Variants in GPATCH2 observed in about 807,000 individuals in gnomAD.
The protein encoded by GPATCH2 is G-patch domain containing 2, also known as G patch domain-containing protein 2.
Under a neutral mutation model 58.0 loss-of-function variants are expected in GPATCH2, and 51 were observed. The ratio of observed to expected loss-of-function variants is 0.88; its 90% CI spans 0.70 to 1.11. The LOEUF (loss-of-function observed/expected upper bound fraction) is 1.11, where lower values mean the gene tolerates loss of function less well. Ranked by LOEUF, GPATCH2 falls within the 50% of genes most tolerant of loss-of-function variation. The pLI is 0.00. For missense variants in GPATCH2, 625 were observed against 652.2 expected (o/e 0.96, Z 0.45); for synonymous variants, 222 against 218.5 (o/e 1.02, Z -0.14).
At chr1:217,456,651 T>C (rs1424419845) in intron 8 of GPATCH2, among the ~76,000 whole-genome samples, 2 of 152,174 alleles carry the variant, frequency 1.3e-5, no homozygotes, top group Non-Finnish European at 2.9e-5. Context: ...TGCATACTTT[T>C]CTAGCAAGAG....
At chr1:217,442,769 G>C (rs1004009639) in intron 9 of GPATCH2, among the ~76,000 whole-genome samples, 1 of 152,062 alleles carries the variant, frequency 6.6e-6, no homozygotes, top group African/African-American at 2.4e-5. Flanking sequence ...AGCATATACT[G>C]AGTTTTCTTC....
intron 5 of GPATCH2, among the ~76,000 whole-genome samples, chr1:217,525,691 A>C (rs888393682): frequency 6.6e-6 from 1 of 152,184 alleles, no homozygotes; most frequent in Non-Finnish European, 1.5e-5. Context: ...AATACATGTA[A>C]AATTAATTGT....
intron 5 of GPATCH2, among the ~76,000 whole-genome samples, chr1:217,569,042 T>A (rs1367813296): frequency 6.6e-6 from 1 of 151,862 alleles, no homozygotes; most frequent in Non-Finnish European, 1.5e-5. Context: ...TGAATGACAT[T>A]AGTAAAATAT....
At chr1:217,619,508 A>G (rs1454475744) in intron 2 of GPATCH2, among the ~76,000 whole-genome samples, 2 of 152,206 alleles carry the variant, frequency 1.3e-5, no homozygotes, top group East Asian at 3.9e-4. Context: ...TCAAAAGCAC[A>G]TTCTTTTCCA....
intron 8 of GPATCH2, among the ~76,000 whole-genome samples, chr1:217,486,424 A>G (rs1661456582): frequency 6.6e-6 from 1 of 152,112 alleles, no homozygotes. Context: ...TTTTTGAGAC[A>G]GGGTCTTATT....
intron 5 of GPATCH2, among the ~76,000 whole-genome samples, chr1:217,524,105 G>T (rs1663666645): frequency 6.6e-6 from 1 of 151,102 alleles, no homozygotes; most frequent in African/African-American, 2.4e-5. Flanking sequence ...TCCCAGACGG[G>T]GTGGCTGCCG....
chr1:217,508,544 A>C (rs1037960545), intron 6 of GPATCH2, among the ~76,000 whole-genome samples: 3 of 152,168 alleles, frequency 2.0e-5, no homozygotes, highest in African/African-American at 7.2e-5. Context: ...CAAGTATCTC[A>C]TAAGTGATTG....
intron 5 of GPATCH2, among the ~76,000 whole-genome samples, chr1:217,537,356 A>G (rs991906424): frequency 3.9e-5 from 6 of 152,210 alleles, no homozygotes; most frequent in Admixed American, 1.3e-4. Context: ...TGTGTGGCAC[A>G]TGGTAGGTGT....
chr1:217,622,095 G>A lies in GPATCH2; in HGVS notation c.57-1596C>T, dbSNP rs139135769. On this transcript the variant is annotated intron_variant, in intron 1 of 9. Transcript: ENST00000366935. ...GCTACACGATCCCAGTGGCCAGTTT[G>A]TATTTTTGTTTATGATTAATTTAGC... is the stretch of plus-strand genomic sequence containing the variant. Among the ~76,000 whole-genome samples, 885 of 152,276 alleles carry A rather than the reference G, an allele frequency of 5.8e-3. 10 individuals are homozygous for A. The highest frequency in any genetic ancestry group is 0.02 in the African/African-American group (844 of 41,552).
At chr1:217,564,198 TG>T (rs879891084) in intron 5 of GPATCH2, among the ~76,000 whole-genome samples, 5 of 140,590 alleles carry the variant, frequency 3.6e-5, no homozygotes, top group African/African-American at 1.3e-4. Context: ...AAATCATCAC[TG>T]TAAAAAAGGG....
chr1:217,613,676 A>ATTGAATT (rs1668742740), intron 3 of GPATCH2, among the ~76,000 whole-genome samples: 1 of 152,138 alleles, frequency 6.6e-6, no homozygotes, highest in Non-Finnish European at 1.5e-5. Context: ...TTAATGGTTT[A>ATTGAATT]CAATATTGAA....
intron 5 of GPATCH2, among the ~76,000 whole-genome samples, chr1:217,532,461 A>G (rs1483512107): frequency 6.6e-6 from 1 of 152,186 alleles, no homozygotes; most frequent in African/African-American, 2.4e-5. Flanking sequence ...AGCCCTGACT[A>G]TGTATACTGA....
chr1:217,539,207 C>T (rs944839743), intron 5 of GPATCH2, among the ~76,000 whole-genome samples: 3 of 151,830 alleles, frequency 2.0e-5, no homozygotes, highest in Non-Finnish European at 4.4e-5. Flanking sequence ...TATATTAAGG[C>T]TAATTTCAGA....
chr1:217,630,075 CTGG>C (rs1162156619), intron 1 of GPATCH2, among the ~76,000 whole-genome samples: 1 of 152,098 alleles, frequency 6.6e-6, no homozygotes, highest in Non-Finnish European at 1.5e-5. Flanking sequence ...GTTTGTGTCA[CTGG>C]TTGTCTTATG....
Position 217,430,753 on chromosome 1 carries a change from T to C in GPATCH2, c.*392A>G. On this transcript the variant is annotated 3_prime_UTR_variant, in exon 10 of 10. Coordinates refer to ENST00000366935, the MANE Select transcript of GPATCH2 (RefSeq NM_018040.5). ...TAGATAGGGATGATATAAAACACAA[T>C]CTTTTCCTGTCTATTCCATTTTAGA... 4.9e-6 allele frequency: 1 copy of C among 203,284 alleles called. No homozygotes were observed. Among genetic ancestry groups the C allele is most frequent in the South Asian group, 9.8e-5 (1 of 10,222 alleles). The allele number at this position is 203,284 out of a possible 1,614,324, so 12.6% of individuals were successfully genotyped here.
chr1:217,564,061 A>C (rs1666073920), intron 5 of GPATCH2, among the ~76,000 whole-genome samples: 1 of 151,640 alleles, frequency 6.6e-6, no homozygotes, highest in African/African-American at 2.4e-5. Flanking sequence ...AAAAAAAAAA[A>C]AAAAAAAAAA....
intron 5 of GPATCH2, among the ~76,000 whole-genome samples, chr1:217,588,796 G>GA (rs1270548044): frequency 9.2e-5 from 14 of 152,162 alleles, no homozygotes; most frequent in African/African-American, 1.4e-4. Flanking sequence ...ACATCAGTAA[G>GA]AAAAATCTAC....
At chr1:217,435,815 G>C (rs1658797255) in intron 9 of GPATCH2, among the ~76,000 whole-genome samples, 1 of 152,102 alleles carries the variant, frequency 6.6e-6, no homozygotes, top group South Asian at 2.1e-4. Context: ...ATGAGAGAAA[G>C]TGGTAGGTGT....
chr1:217,458,870 C>T (rs1660075813), intron 8 of GPATCH2, among the ~76,000 whole-genome samples: 1 of 152,106 alleles, frequency 6.6e-6, no homozygotes, highest in Admixed American at 6.6e-5. Flanking sequence ...GTGCATGTTG[C>T]TGTCATATCT....
Sources: gnomAD v4.1 joint callset for allele counts (sites outside exome capture counted in the v4.1 genomes callset) on GRCh38, gnomAD v4.1.1 for gene constraint, MANE v1.5 for transcripts, NCBI Gene and HGNC (gene_info 2026-07-23, HGNC 2026-07-21) for gene names.